Variants in LHFPL3 observed in about 807,000 individuals in gnomAD.
LHFPL3 encodes LHFPL tetraspan subfamily member 3.
In LHFPL3, 5 loss-of-function variants were observed where a neutral mutation model predicts 19.3. The observed-to-expected ratio is 0.26, with a 90% confidence interval of 0.14 to 0.54. The LOEUF is 0.54. Ranked by LOEUF, LHFPL3 falls within the 20% of genes least tolerant of loss-of-function variation. LHFPL3 has a pLI of 0.94. For missense variants in LHFPL3, 249 were observed against 307.4 expected, an observed-to-expected ratio of 0.81 and a Z score of 1.42; for synonymous variants, 133 against 126.2, an observed-to-expected ratio of 1.05 and a Z score of -0.36.
At chr7:104,674,148 A>G (rs1050732855) in intron 1 of LHFPL3, among the ~76,000 whole-genome samples, 6 of 148,700 alleles carry the variant, frequency 4.0e-5, no homozygotes, top group African/African-American at 7.4e-5. Context: ...CATGTTCTTC[A>G]TAATTTCAGT....
chr7:104,413,050 T>C (rs1791561694), intron 1 of LHFPL3, among the ~76,000 whole-genome samples: 1 of 152,186 alleles, frequency 6.6e-6, no homozygotes, highest in Non-Finnish European at 1.5e-5. Context: ...ATATACTCCC[T>C]GTAAGCTTTG....
chr7:104,602,324 AATTT>A (rs1790987916), intron 1 of LHFPL3, among the ~76,000 whole-genome samples: 1 of 152,080 alleles, frequency 6.6e-6, no homozygotes, highest in Non-Finnish European at 1.5e-5. Context: ...CCCAGCCAGC[AATTT>A]ATTTTCTATA....
At chr7:104,409,515 C>A (rs1791493946) in intron 1 of LHFPL3, among the ~76,000 whole-genome samples, 1 of 152,010 alleles carries the variant, frequency 6.6e-6, no homozygotes, top group African/African-American at 2.4e-5. Flanking sequence ...ATTCAGGAGG[C>A]TCAAACAGGA....
At chr7:104,557,982 T>A (rs1789885603) in intron 1 of LHFPL3, among the ~76,000 whole-genome samples, 1 of 150,736 alleles carries the variant, frequency 6.6e-6, no homozygotes. Context: ...TCCAATTTCA[T>A]CCATGTCCCT....
intron 1 of LHFPL3, among the ~76,000 whole-genome samples, chr7:104,573,546 A>C (rs1790270951): frequency 6.6e-6 from 1 of 152,192 alleles, no homozygotes; most frequent in African/African-American, 2.4e-5. Context: ...CTAGTGTGAG[A>C]TCATTTTCCC....
intron 2 of LHFPL3, among the ~76,000 whole-genome samples, chr7:104,793,290 G>A (rs1790058308): frequency 6.6e-6 from 1 of 152,158 alleles, no homozygotes; most frequent in Non-Finnish European, 1.5e-5. Flanking sequence ...ACAAAAGAGG[G>A]GAAAAACAGA....
intron 1 of LHFPL3, among the ~76,000 whole-genome samples, chr7:104,454,292 T>C (rs1443267725): frequency 6.6e-6 from 1 of 152,192 alleles, no homozygotes; most frequent in Non-Finnish European, 1.5e-5. Flanking sequence ...AGTCAGACCA[T>C]AGGTAGACCA....
intron 2 of LHFPL3, among the ~76,000 whole-genome samples, chr7:104,759,058 G>A (rs1376751135): frequency 1.3e-5 from 2 of 152,184 alleles, no homozygotes; most frequent in Non-Finnish European, 2.9e-5. Flanking sequence ...AAGTCACGCC[G>A]AGGACAAATA....
chr7:104,836,387 T>C (rs1447063600), intron 2 of LHFPL3, among the ~76,000 whole-genome samples: 1 of 152,206 alleles, frequency 6.6e-6, no homozygotes, highest in East Asian at 1.9e-4. Flanking sequence ...GGCTGTCTTG[T>C]TGCTTTCTTC....
At position 104,473,864 on chromosome 7, in the gene LHFPL3, G is replaced by A. The variant is rs7803448; in HGVS notation, c.445+144640G>A. ...TCCCTTGATATTCCCTCTTCACTAA[G>A]AGAATCAGTAAAAGTAAAAAGTAAA... is the stretch of plus-strand genomic sequence containing the variant. On this transcript the variant is annotated intron_variant, in intron 1 of 2. Transcript: ENST00000424859. Among the ~76,000 whole-genome samples, 1,488 of 152,274 alleles carry A rather than the reference G, an allele frequency of 9.8e-3. 24 individuals carry two copies. Among genetic ancestry groups the A allele is most frequent in the African/African-American group, 0.034 (1,400 of 41,550 alleles).
intron 1 of LHFPL3, among the ~76,000 whole-genome samples, chr7:104,608,210 A>G (rs947272812): frequency 2.6e-5 from 4 of 152,002 alleles, no homozygotes; most frequent in Non-Finnish European, 4.4e-5. Flanking sequence ...TGTTTATTGC[A>G]GCACTATTCA....
At chr7:104,879,259 T>C (rs978311248) in intron 2 of LHFPL3, among the ~76,000 whole-genome samples, 9 of 151,942 alleles carry the variant, frequency 5.9e-5, no homozygotes, top group South Asian at 2.1e-4. Flanking sequence ...CTACAAAATA[T>C]GCAAAAGTTA....
intron 1 of LHFPL3, among the ~76,000 whole-genome samples, chr7:104,719,233 C>T (rs1793443926): frequency 6.6e-6 from 1 of 152,014 alleles, no homozygotes; most frequent in Non-Finnish European, 1.5e-5. Context: ...ATTATACATA[C>T]AAGTAGCCAT....
intron 1 of LHFPL3, among the ~76,000 whole-genome samples, chr7:104,479,192 A>G (rs1228238337): frequency 6.6e-6 from 1 of 152,208 alleles, no homozygotes; most frequent in Non-Finnish European, 1.5e-5. Flanking sequence ...GTTTACTGAA[A>G]GCTAATCACT....
At chr7:104,520,798 C>G (rs1462391243) in intron 1 of LHFPL3, among the ~76,000 whole-genome samples, 2 of 142,530 alleles carry the variant, frequency 1.4e-5, no homozygotes, top group East Asian at 4.1e-4. Flanking sequence ...GTGATATCCC[C>G]TTTATCATTT....
intron 1 of LHFPL3, among the ~76,000 whole-genome samples, chr7:104,724,515 TAGAA>T (rs771431172): frequency 1.3e-5 from 2 of 152,130 alleles, no homozygotes; most frequent in Non-Finnish European, 2.9e-5. Context: ...ACAGAGAAAT[TAGAA>T]AGGGATAAAG....
rs1010870842 is a variant in LHFPL3, at chr7:104,908,058, C to A, written c.*1843C>A. The stretch of plus-strand genomic sequence containing the variant: ...CCTACTTACTAAATTTAATTACACA[C>A]AACTTTTCAAGAATTCGTATTTTAT... On this transcript the variant is annotated 3_prime_UTR_variant, in exon 3 of 3. Transcript: ENST00000424859. Among the ~76,000 whole-genome samples, 2 of 152,164 alleles carry A rather than the reference C, an allele frequency of 1.3e-5. No individual in the cohort carries two copies. Among genetic ancestry groups the A allele is most frequent in the Non-Finnish European group, 2.9e-5 (2 of 68,032 alleles).
intron 1 of LHFPL3, among the ~76,000 whole-genome samples, chr7:104,475,399 A>G (rs1792990858): frequency 1.3e-5 from 2 of 152,170 alleles, no homozygotes; most frequent in African/African-American, 2.4e-5. Context: ...ATTCTTTGGT[A>G]TATTAAAAAT....
intron 1 of LHFPL3, among the ~76,000 whole-genome samples, chr7:104,652,221 G>A (rs1261478003): frequency 6.6e-6 from 1 of 152,270 alleles, no homozygotes; most frequent in South Asian, 2.1e-4. Context: ...GGGGCAGTGG[G>A]CAGTGTTAAT....
Sources: gnomAD v4.1 joint callset for allele counts (sites outside exome capture counted in the v4.1 genomes callset) on GRCh38, gnomAD v4.1.1 for gene constraint, MANE v1.5 for transcripts, NCBI Gene and HGNC (gene_info 2026-07-23, HGNC 2026-07-21) for gene names.